Variants in MSMO1 observed in about 807,000 individuals in gnomAD.
MSMO1 encodes the protein methylsterol monooxygenase 1, also known as C-4 methylsterol oxidase.
A neutral mutation model predicts 30.4 loss-of-function variants in MSMO1; 18 were observed. That is an observed-to-expected ratio of 0.59 (90% CI 0.41 to 0.88). The LOEUF (loss-of-function observed/expected upper bound fraction) is 0.88. Ranked by LOEUF, MSMO1 falls within the 40% of genes least tolerant of loss-of-function variation. MSMO1 has a pLI of 0.00. For synonymous variants in MSMO1, 84 were observed against 107.9 expected (o/e 0.78, Z 1.37); for missense variants, 284 against 340.5 (o/e 0.83, Z 1.31).
intron 4 of MSMO1, among the ~76,000 whole-genome samples, chr4:165,339,121 T>TTTTTTTTTA (rs869039733): frequency 2.7e-5 from 4 of 146,790 alleles, no homozygotes; most frequent in East Asian, 2.0e-4. Flanking sequence ...TTTTTTTTTT[T>TTTTTTTTTA]GAGATAGAGT....
In MSMO1 at chr4:165,338,727, AC is replaced by A; in HGVS notation, c.481del (p.His161ThrfsTer33). The A allele has an allele frequency of 6.3e-7, 1 of 1,597,302 alleles. No homozygotes were observed. Among genetic ancestry groups the A allele is most frequent in the Non-Finnish European group, 8.6e-7 (1 of 1,164,858 alleles). The stretch of plus-strand genomic sequence containing the variant: ...GGCACTATTTTCTGCATAGACTCTT[AC>A]ACCACAAAAGAATATACAAGTATAT... ...TWHYFLHRLLHHKRIYKYIHK... is the reference protein window; with the variant it reads ...TWHYFLHRLLXHKRIYKYIHK... On this transcript the variant is annotated frameshift_variant, in exon 4 of 6. Coordinates refer to ENST00000261507, the MANE Select transcript of MSMO1 (RefSeq NM_006745.5). LOFTEE classifies it high-confidence loss of function.
At chr4:165,338,914 A>T in intron 4 of MSMO1, 136 bp downstream of exon 4, 1 of 647,612 alleles carries the variant, frequency 1.5e-6, no homozygotes, top group South Asian at 2.0e-5. Flanking sequence ...CAATACACAC[A>T]CATACAAACA....
At chr4:165,330,611 T>G (rs1169014009) in intron 1 of MSMO1, among the ~76,000 whole-genome samples, 1 of 152,260 alleles carries the variant, frequency 6.6e-6, no homozygotes, top group Non-Finnish European at 1.5e-5. Context: ...TTGCCTTATT[T>G]TACAACTTAG....
chr4:165,332,437 G>C (rs1747422979), intron 1 of MSMO1, among the ~76,000 whole-genome samples: 1 of 152,076 alleles, frequency 6.6e-6, no homozygotes, highest in African/African-American at 2.4e-5. Flanking sequence ...TTTCCTCTTT[G>C]TTTTTGCTGC....
intron 1 of MSMO1, among the ~76,000 whole-genome samples, chr4:165,329,655 G>A (rs1747337520): frequency 2.7e-5 from 1 of 37,138 alleles, no homozygotes; most frequent in Non-Finnish European, 5.1e-5. Context: ...TTTTTTTTGA[G>A]ACGGAGTCTC....
At chr4:165,339,958 G>T (rs989925972) in intron 4 of MSMO1, among the ~76,000 whole-genome samples, 1 of 152,134 alleles carries the variant, frequency 6.6e-6, no homozygotes, top group African/African-American at 2.4e-5. Context: ...TTGCAGTCTC[G>T]AGAATCCTTC....
In MSMO1 at chr4:165,333,583, A is replaced by G; in HGVS notation, c.213A>G (p.Leu71=). 6.2e-7 allele frequency: 1 copy of G among 1,604,280 alleles called. No homozygotes were observed. Among genetic ancestry groups the G allele is most frequent in the Non-Finnish European group, 8.5e-7 (1 of 1,175,674 alleles). The change falls in exon 2 of 6, where the codon TTA becomes TTG. Residue 71 remains leucine (L), a synonymous_variant. Coordinates refer to ENST00000261507, the MANE Select transcript of MSMO1 (RefSeq NM_006745.5). ...LYFLFCLPGF[L]FQFIPYMKKY... is the part of the protein sequence containing the mutation. ...TCTTATTCTGTTTACCTGGATTTTT[A>G]TTTCAATTTATACCTTATATGAAAA...
At position 165,340,294 on chromosome 4, in the gene MSMO1, GA is replaced by G. The variant is rs1477603623; in HGVS notation, c.607del (p.Ile203SerfsTer8). 2 of 1,613,786 alleles carry G rather than the reference GA, an allele frequency of 1.2e-6. No homozygotes were observed. The highest frequency in any genetic ancestry group is 1.7e-6 in the Non-Finnish European group (2 of 1,179,896). On this transcript the variant is annotated frameshift_variant, in exon 5 of 6. Transcript: ENST00000261507. LOFTEE classifies it high-confidence loss of function. ...ATTCTTGGAACTGGATTTTTCATTGGAATCGTGCTTTTGTGTGATCATGTAA... is the reference window on the plus strand; with the variant it reads ...ATTCTTGGAACTGGATTTTTCATTGGATCGTGCTTTTGTGTGATCATGTAA... ...TLILGTGFFI[G>X]IVLLCDHVIL...
Position 165,338,664 on chromosome 4 carries a change from G to A in MSMO1, c.417G>A (p.Leu139=), listed in dbSNP as rs1747628948. 6 of 1,609,214 alleles carry A rather than the reference G, an allele frequency of 3.7e-6. No homozygotes were observed. Among genetic ancestry groups the A allele is most frequent in the African/African-American group, 2.7e-5 (2 of 74,712 alleles). ...TTTTATCTTAAAGGTATTTTCTTTT[G>A]GCAAGATGCTTTGGTTGTGCAGTCA... The part of the protein sequence containing the change: ...WERMPRWYFL[L]ARCFGCAVIE... The change falls in exon 4 of 6, where the codon TTG becomes TTA. Residue 139 remains leucine, a synonymous_variant. Coordinates refer to ENST00000261507, the MANE Select transcript of MSMO1 (RefSeq NM_006745.5).
chr4:165,334,632 A>T (rs1747490983), intron 2 of MSMO1, among the ~76,000 whole-genome samples: 2 of 152,234 alleles, frequency 1.3e-5, no homozygotes, highest in African/African-American at 4.8e-5. Context: ...TATGTACATG[A>T]CAAGGTGAAA....
intron 1 of MSMO1, among the ~76,000 whole-genome samples, chr4:165,331,030 G>A (rs1026586905): frequency 3.9e-5 from 6 of 152,172 alleles, no homozygotes; most frequent in African/African-American, 7.2e-5. Context: ...TAGGCTGGGC[G>A]CAGTGGCTCA....
chr4:165,338,137 G>A (rs1223154809), intron 3 of MSMO1, among the ~76,000 whole-genome samples, 200 bp downstream of exon 3: 1 of 151,964 alleles, frequency 6.6e-6, no homozygotes, highest in East Asian at 1.9e-4. Flanking sequence ...TGGAAGGTGA[G>A]CTTCTAGTAT....
At chr4:165,332,915 GA>G (rs1234891895) in intron 1 of MSMO1, among the ~76,000 whole-genome samples, 1 of 152,082 alleles carries the variant, frequency 6.6e-6, no homozygotes, top group Non-Finnish European at 1.5e-5. Flanking sequence ...TCCCCAGTAG[GA>G]GGTACTTAAT....
At chr4:165,333,079 C>T (rs756687400) in intron 1 of MSMO1, among the ~76,000 whole-genome samples, 55 of 152,092 alleles carry the variant, frequency 3.6e-4, no homozygotes, top group Non-Finnish European at 6.9e-4. Flanking sequence ...AAAAATTTTT[C>T]CCCTATTGTT....
chr4:165,331,013 G>A (rs1162133896), intron 1 of MSMO1, among the ~76,000 whole-genome samples: 1 of 152,160 alleles, frequency 6.6e-6, no homozygotes, highest in African/African-American at 2.4e-5. Context: ...ATCAACAAAG[G>A]AAGATGTAGG....
intron 2 of MSMO1, among the ~76,000 whole-genome samples, chr4:165,335,392 A>G (rs1579215030): frequency 6.6e-6 from 1 of 152,324 alleles, no homozygotes. Context: ...TAGGAGGGCC[A>G]AAGGAGAGTA....
chr4:165,338,836 C>G, intron 4 of MSMO1, 58 bp downstream of exon 4: 4 of 1,412,352 alleles, frequency 2.8e-6, no homozygotes, highest in Non-Finnish European at 3.9e-6. Context: ...ATTTTAATTG[C>G]CTGAGCATTT....
chr4:165,341,555 A>T (rs985903482), intron 5 of MSMO1, among the ~76,000 whole-genome samples, 196 bp from the exon 6 acceptor site: 3 of 151,628 alleles, frequency 2.0e-5, no homozygotes, highest in African/African-American at 4.8e-5. Flanking sequence ...TTTTTTAAGG[A>T]TTTTTTTTCT....
chr4:165,332,494 T>C (rs979088547), intron 1 of MSMO1, among the ~76,000 whole-genome samples: 6 of 152,252 alleles, frequency 3.9e-5, no homozygotes, highest in Non-Finnish European at 7.3e-5. Context: ...CTTTGTACCC[T>C]TGAATGAGAA....
Sources: allele counts gnomAD v4.1 joint callset (sites outside exome capture counted in the v4.1 genomes callset), GRCh38; gene constraint gnomAD v4.1.1; transcripts MANE v1.5; gene names NCBI Gene and HGNC (gene_info 2026-07-23, HGNC 2026-07-21).